The following HNF4A variants were observed in gnomAD, a reference collection of about 807,000 sequenced individuals.
HNF4A encodes hepatocyte nuclear factor 4 alpha.
HNF4A carries 15 observed loss-of-function variants against 52.4 expected under a neutral mutation model. The observed-to-expected ratio is 0.29, with a 90% confidence interval of 0.19 to 0.44. The LOEUF (loss-of-function observed/expected upper bound fraction) is 0.44. Among genes scored for constraint, HNF4A ranks in the 20% least tolerant of loss-of-function variants. HNF4A has a pLI of 1.00. For missense variants in HNF4A, 479 were observed against 647.2 expected (o/e 0.74, Z 2.82); for synonymous variants, 280 against 264.4 (o/e 1.06, Z -0.57).
chr20:44,395,564 C>G (rs540093100), intron 1 of HNF4A: 2 of 152,314 alleles, frequency 1.3e-5, no homozygotes, highest in East Asian at 3.9e-4. Context: ...GCAGGGACAG[C>G]CTAGCAGAGC....
chr20:44,388,425 G>T (rs1007935054), intron 1 of HNF4A, among the ~76,000 whole-genome samples: 1 of 139,598 alleles, frequency 7.2e-6, no homozygotes, highest in African/African-American at 2.9e-5. Flanking sequence ...AAGTTTAGTA[G>T]GTGGTGGAAG....
At chr20:44,363,230 T>G (rs1342658547) in intron 1 of HNF4A, among the ~76,000 whole-genome samples, 1 of 152,094 alleles carries the variant, frequency 6.6e-6, no homozygotes, top group African/African-American at 2.4e-5. Flanking sequence ...TTCACAGGGT[T>G]GTTGTGAGAC....
At chr20:44,372,987 T>G (rs1568693844) in intron 1 of HNF4A, 1 of 152,210 alleles carries the variant, frequency 6.6e-6, no homozygotes, top group Non-Finnish European at 1.5e-5. Context: ...TGACTTTATC[T>G]CTCTGATCCT....
intron 1 of HNF4A, among the ~76,000 whole-genome samples, chr20:44,386,632 A>G (rs1304856781): frequency 1.3e-5 from 2 of 152,128 alleles, no homozygotes; most frequent in Admixed American, 6.6e-5. Flanking sequence ...ATGTCTGGAG[A>G]TAGTTTTGAT....
chr20:44,374,193 C>T (rs574593027), intron 1 of HNF4A, among the ~76,000 whole-genome samples: 4 of 152,154 alleles, frequency 2.6e-5, no homozygotes, highest in African/African-American at 4.8e-5. Context: ...AACGTGTACC[C>T]AATGTTTAGC....
intron 1 of HNF4A, chr20:44,402,651 GAA>G: frequency 7.4e-7 from 1 of 1,350,520 alleles, no homozygotes; most frequent in Non-Finnish European, 9.9e-7. Context: ...GGAGGTAGGG[GAA>G]AAGAGGAGGC....
At chr20:44,394,930 C>T (rs2146318337) in intron 1 of HNF4A, among the ~76,000 whole-genome samples, 1 of 152,254 alleles carries the variant, frequency 6.6e-6, no homozygotes, top group South Asian at 2.1e-4. Context: ...GGAAGGAGGC[C>T]CAGGGATGGG....
intron 5 of HNF4A, among the ~76,000 whole-genome samples, chr20:44,416,810 T>C (rs74173200): frequency 0.077 from 11,790 of 152,182 alleles, 545 homozygotes; most frequent in Admixed American, 0.11. Flanking sequence ...CTAACAACAA[T>C]TTCACCTCCT....
chr20:44,426,850 T>A (rs1425228658), intron 8 of HNF4A, among the ~76,000 whole-genome samples: 3 of 152,024 alleles, frequency 2.0e-5, no homozygotes, highest in African/African-American at 4.8e-5. Context: ...AAAGAGAGTG[T>A]CAGTGAATTG....
chr20:44,366,626 GA>G (rs1266997310), intron 1 of HNF4A, among the ~76,000 whole-genome samples: 2 of 151,098 alleles, frequency 1.3e-5, no homozygotes, highest in African/African-American at 4.9e-5. Context: ...GTGTCAAAAA[GA>G]AAAAAACAAA....
chr20:44,408,791 C>T (rs1306907693), intron 3 of HNF4A, among the ~76,000 whole-genome samples: 1 of 152,146 alleles, frequency 6.6e-6, no homozygotes, highest in African/African-American at 2.4e-5. Context: ...TAAACTCAAC[C>T]TTTCCCAGCT....
chr20:44,394,175 G>A (rs145859449), intron 1 of HNF4A, among the ~76,000 whole-genome samples: 39 of 152,266 alleles, frequency 2.6e-4, no homozygotes, highest in Admixed American at 5.2e-4. Context: ...GGGGGAGAAC[G>A]GCATGGCAAG....
intron 1 of HNF4A, among the ~76,000 whole-genome samples, chr20:44,381,479 A>T (rs183765409): frequency 6.6e-6 from 1 of 152,120 alleles, no homozygotes; most frequent in East Asian, 1.9e-4. Flanking sequence ...GGGTTTCACC[A>T]TGTTGGCCAC....
At position 44,427,904 on chromosome 20, in the gene HNF4A, A is replaced by G. The variant is rs113025465; in HGVS notation, c.1130-431A>G. Among the ~76,000 whole-genome samples, 1,131 of 152,304 alleles carry G rather than the reference A, an allele frequency of 7.4e-3. 18 individuals carry two copies. Among genetic ancestry groups the G allele is most frequent in the African/African-American group, 0.026 (1,085 of 41,558 alleles). On this transcript the variant is annotated intron_variant, in intron 8 of 9. Transcript: ENST00000316099. The stretch of plus-strand genomic sequence containing the variant: ...ATAGAAAAACACAGGGGACACATAG[A>G]TGCTATAAGTAGGTCAGTTGGCTGC...
intron 1 of HNF4A, among the ~76,000 whole-genome samples, chr20:44,396,032 A>C (rs964781446): frequency 3.3e-5 from 5 of 152,142 alleles, no homozygotes; most frequent in Non-Finnish European, 7.4e-5. Flanking sequence ...AGACTGAGGC[A>C]GTGAAACCAC....
Position 44,415,819 on chromosome 20 carries a change from C to T in HNF4A, c.648+1157C>T, listed in dbSNP as rs184311212. Among the ~76,000 whole-genome samples, 18 of 152,236 alleles carry T rather than the reference C, an allele frequency of 1.2e-4. No individual in the cohort carries two copies. In the South Asian group the frequency reaches 1.9e-3, roughly 16 times the overall value. On this transcript the variant is annotated intron_variant, in intron 5 of 9. Coordinates refer to ENST00000316099, the MANE Select transcript of HNF4A (RefSeq NM_000457.6). ...CCCAGCCTCATACAGGGGCTGGACC[C>T]GGGGCCCTCTTCCATGGTTCCTCCT...
chr20:44,402,646 T>C (rs777719347), intron 1 of HNF4A: 1 of 1,356,210 alleles, frequency 7.4e-7, no homozygotes, highest in South Asian at 1.2e-5. Flanking sequence ...CACAGGGAGG[T>C]AGGGGAAAAG....
intron 1 of HNF4A, among the ~76,000 whole-genome samples, chr20:44,386,159 ATTTTTTTTTTT>A (rs35559000): frequency 1.4e-5 from 1 of 73,062 alleles, no homozygotes; most frequent in Non-Finnish European, 2.5e-5. Flanking sequence ...CCACCATCTG[ATTTTTTTTTTT>A]TTTTTTTTTT....
intron 5 of HNF4A, among the ~76,000 whole-genome samples, chr20:44,415,418 A>G (rs1265993650): frequency 6.6e-6 from 1 of 152,132 alleles, no homozygotes; most frequent in South Asian, 2.1e-4. Context: ...AAATGTCCCT[A>G]GGGGGAAGAA....
Sources: allele counts gnomAD v4.1 joint callset (sites outside exome capture counted in the v4.1 genomes callset), GRCh38; gene constraint gnomAD v4.1.1; transcripts MANE v1.5; gene names NCBI Gene and HGNC (gene_info 2026-07-23, HGNC 2026-07-21).